SLC35F5: variants seen among roughly 807,000 people sequenced by gnomAD.
SLC35F5 encodes solute carrier family 35 member F5.
Under a neutral mutation model 68.6 loss-of-function variants are expected in SLC35F5, and 54 were observed. The ratio of observed to expected loss-of-function variants is 0.79; its 90% CI spans 0.63 to 0.99. The LOEUF is 0.99. Among genes scored for constraint, SLC35F5 ranks in the 50% least tolerant of loss-of-function variants. SLC35F5 has a pLI of 0.00. For missense variants in SLC35F5, 567 were observed against 626.9 expected, an observed-to-expected ratio of 0.90 and a Z score of 1.02; for synonymous variants, 211 against 205.2, an observed-to-expected ratio of 1.03 and a Z score of -0.24.
intron 7 of SLC35F5, among the ~76,000 whole-genome samples, chr2:113,741,507 G>A (rs1299992837): frequency 6.6e-6 from 1 of 152,072 alleles, no homozygotes; most frequent in East Asian, 1.9e-4. Context: ...TTCGAGACCA[G>A]CATGACCAAC....
chr2:113,734,216 A>G (rs1688001470), intron 9 of SLC35F5, among the ~76,000 whole-genome samples: 1 of 152,248 alleles, frequency 6.6e-6, no homozygotes, highest in Non-Finnish European at 1.5e-5. Context: ...AGAGAAGTAG[A>G]AAAAGGAGAA....
At chr2:113,748,693 A>T (rs1676614617) in intron 4 of SLC35F5, among the ~76,000 whole-genome samples, 1 of 152,244 alleles carries the variant, frequency 6.6e-6, no homozygotes, top group Non-Finnish European at 1.5e-5. Context: ...TATATGTATT[A>T]CTTTTGCAAA....
At position 113,721,534 on chromosome 2, in the gene SLC35F5, T is replaced by C. The variant is rs115452399; in HGVS notation, c.1341+1570A>G. On this transcript the variant is annotated intron_variant, in intron 13 of 15. Transcript: ENST00000245680. The stretch of plus-strand genomic sequence containing the variant: ...ATACAATTAGGTCCCCTGTGACTAT[T>C]TTCTTAAAAATTCCTGAACATTAAG... 3.4e-3 allele frequency among the ~76,000 whole-genome samples: 513 copies of C among 152,280 alleles called. 9 individuals carry two copies. Among genetic ancestry groups the C allele is most frequent in the African/African-American group, 0.012 (493 of 41,572 alleles).
rs1686971776 is a variant in SLC35F5 at position 113,711,239 on chromosome 2, T to C, written c.*3979A>G. 6.6e-6 allele frequency among the ~76,000 whole-genome samples: 1 copy of C among 152,222 alleles called. No individual in the cohort carries two copies. The highest frequency in any genetic ancestry group is 2.1e-4 in the South Asian group (1 of 4,838). On this transcript the variant is annotated 3_prime_UTR_variant, in exon 16 of 16. Transcript: ENST00000245680. ...TTTCACATGAACATTCCAGTAAATATGCACATAGAGGGTACTCATTACTTT... is the reference window on the plus strand; with the variant it reads ...TTTCACATGAACATTCCAGTAAATACGCACATAGAGGGTACTCATTACTTT...
chr2:113,723,626 C>A (rs965322864), intron 12 of SLC35F5, among the ~76,000 whole-genome samples: 1 of 152,146 alleles, frequency 6.6e-6, no homozygotes, highest in Non-Finnish European at 1.5e-5. Flanking sequence ...GTGATTCTGT[C>A]ACCAAGCAAA....
At chr2:113,719,752 T>C (rs1306631538) in intron 13 of SLC35F5, 1 of 153,650 alleles carries the variant, frequency 6.5e-6, no homozygotes, top group Non-Finnish European at 1.4e-5. Flanking sequence ...AGTTGTAGTA[T>C]GCTGTGTATG....
At chr2:113,719,998 G>C (rs148212583) in intron 13 of SLC35F5, among the ~76,000 whole-genome samples, 3 of 151,218 alleles carry the variant, frequency 2.0e-5, no homozygotes, top group Non-Finnish European at 4.4e-5. Context: ...TATCAGAGTT[G>C]TCAAGAAAAT....
intron 3 of SLC35F5, among the ~76,000 whole-genome samples, chr2:113,753,440 G>C (rs1450214826): frequency 6.6e-6 from 1 of 152,078 alleles, no homozygotes; most frequent in Non-Finnish European, 1.5e-5. Context: ...TCTTCCCAAA[G>C]TGTTGGGATT....
intron 7 of SLC35F5, among the ~76,000 whole-genome samples, chr2:113,736,785 G>C (rs1559344161): frequency 6.6e-6 from 1 of 152,164 alleles, no homozygotes; most frequent in Non-Finnish European, 1.5e-5. Context: ...CAGCTATCAG[G>C]ACTTTTTTTA....
At chr2:113,749,742 C>T (rs759603202) in intron 4 of SLC35F5, among the ~76,000 whole-genome samples, 7 of 152,140 alleles carry the variant, frequency 4.6e-5, no homozygotes, top group Middle Eastern at 3.4e-3. Flanking sequence ...AAAGTCAATG[C>T]GCTTAATGCC....
downstream of SLC35F5, chr2:113,705,162 G>A (rs1398551728): frequency 4.6e-5 from 7 of 152,222 alleles, no homozygotes; most frequent in African/African-American, 1.7e-4. Context: ...TTTTGAAACT[G>A]AAAGGGGCAC....
chr2:113,726,753 C>T lies in SLC35F5; in HGVS notation c.1091-1216G>A, dbSNP rs531398197. On this transcript the variant is annotated intron_variant, in intron 11 of 15. Transcript: ENST00000245680. Reference sequence around the variant, plus strand: ...GGAGGCTTTACGAGGCCAGCCATCACGACTCAAGGCCCAGACATATTAGCT... The same window carrying T: ...GGAGGCTTTACGAGGCCAGCCATCATGACTCAAGGCCCAGACATATTAGCT... Among the ~76,000 whole-genome samples the T allele has an allele frequency of 1.5e-4, 23 of 152,284 alleles. No individual in the cohort carries two copies. The South Asian group carries it at 1.9e-3, about 12-fold the overall frequency.
intron 13 of SLC35F5, among the ~76,000 whole-genome samples, chr2:113,719,880 GA>G (rs1004166592): frequency 6.6e-6 from 1 of 150,848 alleles, no homozygotes; most frequent in African/African-American, 2.4e-5. Context: ...ATAAAATAAA[GA>G]AAAAAATATA....
intron 11 of SLC35F5, among the ~76,000 whole-genome samples, chr2:113,726,823 CA>C (rs1399849364): frequency 1.3e-5 from 2 of 152,186 alleles, no homozygotes; most frequent in Non-Finnish European, 2.9e-5. Flanking sequence ...TGAATTGGGC[CA>C]AACCTCAGTT....
chr2:113,718,931 GAAA>G (rs1559318539), intron 14 of SLC35F5, among the ~76,000 whole-genome samples: 1 of 110,878 alleles, frequency 9.0e-6, no homozygotes, highest in Non-Finnish European at 2.2e-5. Flanking sequence ...GAAAGAAAAA[GAAA>G]GGAAGAAAGG....
intron 7 of SLC35F5, among the ~76,000 whole-genome samples, chr2:113,740,830 T>C (rs1232662646): frequency 6.6e-6 from 1 of 152,158 alleles, no homozygotes; most frequent in African/African-American, 2.4e-5. Context: ...TTTCACCACA[T>C]TGGCCAGGAT....
chr2:113,716,948 AG>A (rs1172713930), intron 15 of SLC35F5, among the ~76,000 whole-genome samples: 23 of 152,352 alleles, frequency 1.5e-4, no homozygotes, highest in African/African-American at 5.3e-4. Flanking sequence ...AACAACTGAC[AG>A]GAGTTGTACA....
chr2:113,721,518 G>C (rs1441869641), intron 13 of SLC35F5: 1 of 152,238 alleles, frequency 6.6e-6, no homozygotes, highest in African/African-American at 2.4e-5. Flanking sequence ...AATACAATTA[G>C]GTCCCCTGTG....
intron 11 of SLC35F5, among the ~76,000 whole-genome samples, chr2:113,727,952 A>G (rs555856353): frequency 6.6e-6 from 1 of 152,312 alleles, no homozygotes; most frequent in East Asian, 1.9e-4. Flanking sequence ...TCCATTCCAA[A>G]TAAAATTTTC....
Sources: gnomAD v4.1 joint callset for allele counts (sites outside exome capture counted in the v4.1 genomes callset) on GRCh38, gnomAD v4.1.1 for gene constraint, MANE v1.5 for transcripts, NCBI Gene and HGNC (gene_info 2026-07-23, HGNC 2026-07-21) for gene names.